Variants in KCNK1 observed in about 807,000 individuals in gnomAD.
The protein encoded by KCNK1 is potassium two pore domain channel subfamily K member 1, also known as potassium channel subfamily K member 1.
KCNK1 carries 10 observed loss-of-function variants against 22.2 expected under a neutral mutation model. That is an observed-to-expected ratio of 0.45 (90% confidence interval 0.28 to 0.76). The LOEUF (loss-of-function observed/expected upper bound fraction) is 0.76. KCNK1 is among the 30% of genes least tolerant of loss of function. KCNK1 has a pLI of 0.14. For missense variants in KCNK1, 378 were observed against 421.0 expected, an observed-to-expected ratio of 0.90 and a Z score of 0.89; for synonymous variants, 200 against 186.4, an observed-to-expected ratio of 1.07 and a Z score of -0.60.
At chr1:233,640,936 C>T (rs1571896422) in intron 1 of KCNK1, among the ~76,000 whole-genome samples, 1 of 152,294 alleles carries the variant, frequency 6.6e-6, no homozygotes, top group East Asian at 1.9e-4. Context: ...AACTCCTGAG[C>T]TCAGGTGATC....
intron 1 of KCNK1, among the ~76,000 whole-genome samples, chr1:233,637,896 A>G (rs990375767): frequency 2.0e-5 from 3 of 151,870 alleles, no homozygotes; most frequent in Admixed American, 2.0e-4. Flanking sequence ...GTGGAGGGAG[A>G]GGGATAGGCA....
At chr1:233,647,224 G>C (rs1322145466) in intron 1 of KCNK1, among the ~76,000 whole-genome samples, 1 of 152,238 alleles carries the variant, frequency 6.6e-6, no homozygotes, top group East Asian at 1.9e-4. Flanking sequence ...AAATCCTCTT[G>C]GTATTTTCCT....
At chr1:233,639,074 C>G (rs1319720260) in intron 1 of KCNK1, among the ~76,000 whole-genome samples, 1 of 152,196 alleles carries the variant, frequency 6.6e-6, no homozygotes, top group East Asian at 1.9e-4. Context: ...CTGATGGGCT[C>G]CAGTCCTAAC....
At chr1:233,619,624 G>A (rs1419142599) in intron 1 of KCNK1, among the ~76,000 whole-genome samples, 1 of 152,014 alleles carries the variant, frequency 6.6e-6, no homozygotes, top group Non-Finnish European at 1.5e-5. Flanking sequence ...AGAATAGAGT[G>A]AAGTGGGCCA....
At chr1:233,640,814 C>CATGTAGCTA (rs1657987655) in intron 1 of KCNK1, among the ~76,000 whole-genome samples, 1 of 152,180 alleles carries the variant, frequency 6.6e-6, no homozygotes, top group Non-Finnish European at 1.5e-5. Flanking sequence ...AAGTGATTCT[C>CATGTAGCTA]AGGCCTCGGC....
At chr1:233,661,917 G>T (rs1658399754) in intron 1 of KCNK1, 1 of 152,200 alleles carries the variant, frequency 6.6e-6, no homozygotes, top group Admixed American at 6.5e-5. Context: ...TCATCACCGT[G>T]CAATGAGTTT....
chr1:233,628,766 T>C (rs1352343694), intron 1 of KCNK1, among the ~76,000 whole-genome samples: 1 of 151,532 alleles, frequency 6.6e-6, no homozygotes, highest in Non-Finnish European at 1.5e-5. Flanking sequence ...TCTCAAATAA[T>C]AATAATAATA....
intron 1 of KCNK1, among the ~76,000 whole-genome samples, chr1:233,641,164 T>C (rs1454368236): frequency 2.6e-5 from 4 of 152,196 alleles, no homozygotes; most frequent in Non-Finnish European, 5.9e-5. Context: ...GGACACTCTG[T>C]AGGTCCTTAG....
chr1:233,671,044 C>G (rs1658587391), intron 2 of KCNK1, among the ~76,000 whole-genome samples: 1 of 152,062 alleles, frequency 6.6e-6, no homozygotes, highest in Non-Finnish European at 1.5e-5. Flanking sequence ...TCTAACTAAT[C>G]CAAGTTCATA....
chr1:233,628,808 G>T (rs1188909453), intron 1 of KCNK1, among the ~76,000 whole-genome samples: 1 of 138,796 alleles, frequency 7.2e-6, no homozygotes, highest in Non-Finnish European at 1.5e-5. Flanking sequence ...ACCTAATGTA[G>T]TGAAAAGTGA....
chr1:233,617,912 A>G (rs1300636606), intron 1 of KCNK1, among the ~76,000 whole-genome samples: 2 of 152,222 alleles, frequency 1.3e-5, no homozygotes, highest in African/African-American at 4.8e-5. Flanking sequence ...CCTGGACAAC[A>G]GAGCAAGACT....
At chr1:233,656,552 G>T (rs2102904809) in intron 1 of KCNK1, among the ~76,000 whole-genome samples, 1 of 152,324 alleles carries the variant, frequency 6.6e-6, no homozygotes, top group East Asian at 1.9e-4. Context: ...GGTATGACAA[G>T]AATGACTCAT....
intron 1 of KCNK1, among the ~76,000 whole-genome samples, chr1:233,638,227 AT>A (rs755190601): frequency 6.6e-6 from 1 of 152,114 alleles, no homozygotes; most frequent in Non-Finnish European, 1.5e-5. Flanking sequence ...TGACTCCAGT[AT>A]TCCTGCCCTG....
At chr1:233,657,414 A>C (rs1227946669) in intron 1 of KCNK1, among the ~76,000 whole-genome samples, 1 of 152,212 alleles carries the variant, frequency 6.6e-6, no homozygotes, top group Non-Finnish European at 1.5e-5. Flanking sequence ...GTAGTGGGTC[A>C]TGTTCCTGTG....
At chr1:233,623,896 A>C (rs1305371392) in intron 1 of KCNK1, among the ~76,000 whole-genome samples, 4 of 152,206 alleles carry the variant, frequency 2.6e-5, no homozygotes, top group African/African-American at 4.8e-5. Context: ...TTGCCAAAAA[A>C]GCTTTCTTTA....
At position 233,614,150 on chromosome 1, in the gene KCNK1, C is replaced by CTTGGCATTGGCT; in HGVS notation, c.-17_-16insATTGGCTTTGGC. On this transcript the variant is annotated 5_prime_UTR_variant, in exon 1 of 3. Transcript: ENST00000366621. Reference sequence around the variant, plus strand: ...GCTCCGGCCGGTCTGCGGCGTTGGCCTTGGCGGCGGCGGTGGAGAAGATGC... The same window carrying CTTGGCATTGGCT: ...GCTCCGGCCGGTCTGCGGCGTTGGCCTTGGCATTGGCTTTGGCGGCGGCGGTGGAGAAGATGC... The CTTGGCATTGGCT allele has an allele frequency of 6.5e-7, 1 of 1,537,808 alleles. No individual in the cohort carries two copies. The highest frequency in any genetic ancestry group is 2.4e-5 in the East Asian group (1 of 41,754).
intron 1 of KCNK1, among the ~76,000 whole-genome samples, chr1:233,645,490 T>C (rs968729394): frequency 1.3e-5 from 2 of 151,956 alleles, no homozygotes; most frequent in African/African-American, 4.8e-5. Context: ...GAGGCAGAGA[T>C]TGGAGTTATG....
intron 1 of KCNK1, among the ~76,000 whole-genome samples, chr1:233,655,049 C>T (rs1658265575): frequency 6.6e-6 from 1 of 152,174 alleles, no homozygotes; most frequent in South Asian, 2.1e-4. Context: ...CTTGGAGCCA[C>T]AAGGGCACAG....
intron 2 of KCNK1, among the ~76,000 whole-genome samples, chr1:233,667,452 C>T (rs973814322): frequency 5.3e-5 from 8 of 152,036 alleles, no homozygotes; most frequent in Non-Finnish European, 7.4e-5. Flanking sequence ...TCATACAGGC[C>T]GGGCGCGGTG....
Sources: gnomAD v4.1 joint callset for allele counts (sites outside exome capture counted in the v4.1 genomes callset) on GRCh38, gnomAD v4.1.1 for gene constraint, MANE v1.5 for transcripts, NCBI Gene and HGNC (gene_info 2026-07-23, HGNC 2026-07-21) for gene names.